The following EIF2AK1 variants were observed in gnomAD, a reference collection of about 807,000 sequenced individuals.
EIF2AK1 encodes the protein eukaryotic translation initiation factor 2-alpha kinase 1.
A neutral mutation model predicts 77.9 loss-of-function variants in EIF2AK1; 54 were observed. That is an observed-to-expected ratio of 0.69 (90% confidence interval 0.56 to 0.87). The LOEUF (loss-of-function observed/expected upper bound fraction) is 0.87. Ranked by LOEUF, EIF2AK1 falls within the 40% of genes least tolerant of loss-of-function variation. The probability of loss-of-function intolerance (pLI) is 0.00; values close to 1 mark genes in which losing one functional copy is unlikely to be tolerated. For synonymous variants in EIF2AK1, 314 were observed against 290.5 expected, an observed-to-expected ratio of 1.08 and a Z score of -0.82; for missense variants, 810 against 768.6, an observed-to-expected ratio of 1.05 and a Z score of -0.64.
Position 6,036,038 on chromosome 7 carries a change from T to TG in EIF2AK1, c.1332+1385dup. On this transcript the variant is annotated intron_variant, in intron 11 of 14. Coordinates refer to ENST00000199389, the MANE Select transcript of EIF2AK1 (RefSeq NM_014413.4). The surrounding 1 kb of genome is among the most constrained non-coding windows in gnomAD (Gnocchi z 4.6). ...ATCTCCTGCTTGAATTTGAAGCAAA[T>TG]GTTAACATTTTAACAAGAAACGGGG... is the stretch of plus-strand genomic sequence containing the variant. 6.4e-7 allele frequency: 1 copy of TG among 1,551,066 alleles called. No homozygotes were observed. The highest frequency in any genetic ancestry group is 1.4e-5 in the African/African-American group (1 of 73,124).
At chr7:6,055,605 G>C (rs1219325921) in intron 1 of EIF2AK1, among the ~76,000 whole-genome samples, 1 of 150,244 alleles carries the variant, frequency 6.7e-6, no homozygotes. Context: ...CATGCAGACA[G>C]ACGAGTTGGC....
At chr7:6,046,946 AC>A (rs1187272296) in intron 5 of EIF2AK1, 45 bp downstream of exon 5, 1 of 1,433,790 alleles carries the variant, frequency 7.0e-7, no homozygotes, top group South Asian at 1.3e-5. Context: ...ATCTGAAAAC[AC>A]AATTATTTAG....
rs572916279 is a variant in EIF2AK1, at chr7:6,045,560, G to A, written c.630+511C>T. ...CTCCAAGGTAAGTAAAATCACTACC[G>A]TCACTACTATTTCAGGGCAGGTGAC... is the stretch of plus-strand genomic sequence containing the variant. On this transcript the variant is annotated intron_variant, in intron 6 of 14. Coordinates refer to ENST00000199389, the MANE Select transcript of EIF2AK1 (RefSeq NM_014413.4). Among the ~76,000 whole-genome samples the A allele has an allele frequency of 5.9e-5, 9 of 151,808 alleles. No homozygotes were observed. The South Asian group carries it at 1.0e-3, about 18-fold the overall frequency.
intron 2 of EIF2AK1, among the ~76,000 whole-genome samples, chr7:6,051,588 C>A (rs1374800905): frequency 6.6e-6 from 1 of 151,964 alleles, no homozygotes; most frequent in Admixed American, 6.6e-5. Flanking sequence ...CGCCAACATA[C>A]CTGGCTAATT....
intron 10 of EIF2AK1, among the ~76,000 whole-genome samples, 175 bp downstream of exon 10, chr7:6,038,385 T>C (rs1237188220): frequency 6.6e-6 from 1 of 152,102 alleles, no homozygotes; most frequent in Admixed American, 6.6e-5. Context: ...TAGTAAGCAG[T>C]GGGTGTACAA....
chr7:6,029,561 C>T (rs934291653), intron 11 of EIF2AK1, among the ~76,000 whole-genome samples: 4 of 151,784 alleles, frequency 2.6e-5, no homozygotes, highest in Non-Finnish European at 5.9e-5. Context: ...TGCGGGTGAA[C>T]GCAAGCATCA....
Position 6,037,415 on chromosome 7 carries a change from C to A in EIF2AK1, c.1332+9G>T, listed in dbSNP as rs2128888229. The A allele has an allele frequency of 6.3e-7, 1 of 1,578,482 alleles. No individual in the cohort carries two copies. Among genetic ancestry groups the A allele is most frequent in the East Asian group, 2.2e-5 (1 of 44,638 alleles). On this transcript the variant is annotated intron_variant, in intron 11 of 14. Transcript: ENST00000199389. Reference sequence around the variant, plus strand: ...CACTGCTTTCAATGATTTCATCGCCCCCACTTACCTTCAGATCTCGGTGCA... The same window carrying A: ...CACTGCTTTCAATGATTTCATCGCCACCACTTACCTTCAGATCTCGGTGCA...
intron 11 of EIF2AK1, chr7:6,031,357 G>A (rs1279236503): frequency 6.5e-7 from 1 of 1,546,214 alleles, no homozygotes; most frequent in Non-Finnish European, 8.7e-7. Context: ...ATTTTCCCCT[G>A]AAGTCTTAAG....
chr7:6,049,403 T>C (rs550831), intron 3 of EIF2AK1, among the ~76,000 whole-genome samples: 91,635 of 151,886 alleles, frequency 0.6, 28,044 homozygotes, highest in African/African-American at 0.7. Flanking sequence ...ATTAGTTGGG[T>C]GTGGTGGCAG....
At chr7:6,025,743 T>C (rs1486872632) in intron 14 of EIF2AK1, among the ~76,000 whole-genome samples, 1 of 150,924 alleles carries the variant, frequency 6.6e-6, no homozygotes, top group Non-Finnish European at 1.5e-5. Context: ...CAAGTGACTG[T>C]CCTGCCTCAG....
intron 4 of EIF2AK1, among the ~76,000 whole-genome samples, chr7:6,048,332 T>C (rs963983485): frequency 6.6e-6 from 1 of 152,200 alleles, no homozygotes; most frequent in Non-Finnish European, 1.5e-5. Flanking sequence ...AATCACACAA[T>C]ATGTGGCCTT....
At chr7:6,055,071 G>A (rs570409516) in intron 1 of EIF2AK1, among the ~76,000 whole-genome samples, 14 of 152,100 alleles carry the variant, frequency 9.2e-5, no homozygotes, top group African/African-American at 2.2e-4. Flanking sequence ...GGCCGGGCGC[G>A]GTTGTTCATG....
Position 6,023,326 on chromosome 7 carries a change from A to C in EIF2AK1, c.*1347T>G, listed in dbSNP as rs760513787. The C allele has an allele frequency of 1.2e-6, 2 of 1,601,872 alleles. No individual in the cohort carries two copies. Among genetic ancestry groups the C allele is most frequent in the South Asian group, 2.2e-5 (2 of 89,290 alleles). The stretch of plus-strand genomic sequence containing the variant: ...AGTGCCGAAGACGCAGATGAAATTC[A>C]GCATCCAGACGATGTGCCCCATCGA... On this transcript the variant is annotated 3_prime_UTR_variant, in exon 15 of 15. Transcript: ENST00000199389.
At position 6,035,503 on chromosome 7, in the gene EIF2AK1, C is replaced by A; in HGVS notation, c.1332+1921G>T. The A allele has an allele frequency of 6.4e-7, 1 of 1,551,168 alleles. No homozygotes were observed. On this transcript the variant is annotated intron_variant, in intron 11 of 14. Transcript: ENST00000199389. The surrounding 1 kb of genome is among the most constrained non-coding windows in gnomAD (Gnocchi z 5.5). Reference sequence around the variant, plus strand: ...CTACTGCACTGGCCAGTCACTTCCACCACGTGGGCAAAACCAGGCAACAGA... The same window carrying A: ...CTACTGCACTGGCCAGTCACTTCCAACACGTGGGCAAAACCAGGCAACAGA...
chr7:6,024,514 T>G lies in EIF2AK1; in HGVS notation c.*159A>C. ...TAGGAAATTCAGGAAAAGGAGCTTG[T>G]GGGGCAGGAAGGGAAGGAACGGCAG... On this transcript the variant is annotated 3_prime_UTR_variant, in exon 15 of 15. Transcript: ENST00000199389. 1 of 1,438,010 alleles carries G rather than the reference T, an allele frequency of 7.0e-7. No homozygotes were observed. Among genetic ancestry groups the G allele is most frequent in the Non-Finnish European group, 9.1e-7 (1 of 1,102,454 alleles). 89.1% of individuals were successfully genotyped at this position (1,438,010 alleles called of 1,614,324 possible).
intron 11 of EIF2AK1, among the ~76,000 whole-genome samples, chr7:6,029,869 G>A (rs1233036141): frequency 6.6e-6 from 1 of 152,004 alleles, no homozygotes; most frequent in Non-Finnish European, 1.5e-5. Flanking sequence ...TGTAATCCCA[G>A]CTACTCGGGA....
At chr7:6,048,446 G>A (rs1201747063) in intron 4 of EIF2AK1, among the ~76,000 whole-genome samples, 1 of 152,176 alleles carries the variant, frequency 6.6e-6, no homozygotes, top group Non-Finnish European at 1.5e-5. Context: ...CTTTATTGCA[G>A]GGATAGACCA....
At chr7:6,056,103 G>A (rs2128892540) in intron 1 of EIF2AK1, among the ~76,000 whole-genome samples, 1 of 151,220 alleles carries the variant, frequency 6.6e-6, no homozygotes, top group South Asian at 2.1e-4. Flanking sequence ...GACCAGCCTG[G>A]CCAACACGGT....
intron 2 of EIF2AK1, among the ~76,000 whole-genome samples, chr7:6,053,092 CT>C (rs1181203720): frequency 1.3e-5 from 2 of 152,120 alleles, no homozygotes; most frequent in Non-Finnish European, 2.9e-5. Flanking sequence ...AAAATGTAAG[CT>C]GAATTGAAGT....
Sources: allele counts gnomAD v4.1 joint callset (sites outside exome capture counted in the v4.1 genomes callset), GRCh38; gene constraint gnomAD v4.1.1; non-coding constraint Gnocchi (gnomAD v3.1); transcripts MANE v1.5; gene names NCBI Gene and HGNC (gene_info 2026-07-23, HGNC 2026-07-21).